Variants in CLIP4 observed in about 807,000 individuals in gnomAD.
The protein encoded by CLIP4 is CAP-Gly domain containing linker protein family member 4.
Under a neutral mutation model 73.1 loss-of-function variants are expected in CLIP4, and 47 were observed. That is an observed-to-expected ratio of 0.64 (90% CI 0.51 to 0.82). CLIP4 has a LOEUF of 0.82. CLIP4 is among the 40% of genes least tolerant of loss of function. CLIP4 has a pLI of 0.00. For synonymous variants in CLIP4, 306 were observed against 295.4 expected (o/e 1.04, Z -0.37); for missense variants, 874 against 852.9 (o/e 1.02, Z -0.31).
chr2:29,135,815 G>A (rs1665312247), intron 6 of CLIP4, 149 bp downstream of exon 6: 1 of 535,550 alleles, frequency 1.9e-6, no homozygotes, highest in African/African-American at 2.0e-5. Context: ...GAGTGATGAT[G>A]ATCTTTATTG....
In CLIP4 at chr2:29,132,186, A is replaced by G; in HGVS notation, c.308A>G (p.Asp103Gly). 6.2e-7 allele frequency: 1 copy of G among 1,613,870 alleles called. No homozygotes were observed. The highest frequency in any genetic ancestry group is 8.5e-7 in the Non-Finnish European group (1 of 1,179,852). Residue 103 changes from aspartate (D) to glycine (G), a missense_variant, in exon 4 of 16, where the codon GAT (aspartate) becomes GGT (glycine). By Grantham distance (94) the Asp-to-Gly change is moderately conservative (BLOSUM62 -1). Coordinates refer to ENST00000320081, the MANE Select transcript of CLIP4 (RefSeq NM_024692.6). ...AGAGGTTGCAATGTGAATGATAGAG[A>G]TGGATTGACAGATATGACTCTTTTA... ...LKRGCNVNDR[D>G]GLTDMTLLHY...
At chr2:29,118,185 A>G (rs1320746321) in intron 1 of CLIP4, 1 of 152,202 alleles carries the variant, frequency 6.6e-6, no homozygotes, top group Non-Finnish European at 1.5e-5. Flanking sequence ...TATTAGTTGA[A>G]TAACTCAAGG....
Position 29,147,928 on chromosome 2 carries a change from C to A in CLIP4, c.1021+2561C>A, listed in dbSNP as rs190184931. ...TTTCCTCCGATAGATTACTTTGCCA[C>A]CTGTCAAGCAGATTAAGGGCAGGAT... is the stretch of plus-strand genomic sequence containing the variant. On this transcript the variant is annotated intron_variant, in intron 8 of 15. Transcript: ENST00000320081. Among the ~76,000 whole-genome samples, 392 of 152,198 alleles carry A rather than the reference C, an allele frequency of 2.6e-3. 4 individuals carry two copies. The highest frequency in any genetic ancestry group is 9.2e-3 in the African/African-American group (381 of 41,538).
At position 29,182,360 on chromosome 2, in the gene CLIP4, A is replaced by T. The variant is rs186435932; in HGVS notation, c.*467A>T. On this transcript the variant is annotated 3_prime_UTR_variant, in exon 16 of 16. Coordinates refer to ENST00000320081, the MANE Select transcript of CLIP4 (RefSeq NM_024692.6). ...TTATTACTAATAAGTCCAATGAGTG[A>T]GTAGTAGCTAGATGACTAGTATGTA... 1 of 153,046 alleles carries T rather than the reference A, an allele frequency of 6.5e-6. No homozygotes were observed. The highest frequency in any genetic ancestry group is 1.5e-5 in the Non-Finnish European group (1 of 68,408). The allele number at this position is 153,046 out of a possible 1,614,324, so 9.5% of individuals were successfully genotyped here.
intron 15 of CLIP4, among the ~76,000 whole-genome samples, chr2:29,177,508 G>C (rs1224938449): frequency 4.6e-5 from 7 of 152,048 alleles, no homozygotes; most frequent in Non-Finnish European, 7.4e-5. Context: ...TTGAACCTGG[G>C]GGGCAGAGGT....
Position 29,115,886 on chromosome 2 carries a change from G to T in CLIP4, c.-16+221G>T, listed in dbSNP as rs1416391224. Among the ~76,000 whole-genome samples the T allele has an allele frequency of 6.6e-6, 1 of 152,032 alleles. No homozygotes were observed. Among genetic ancestry groups the T allele is most frequent in the African/African-American group, 2.4e-5 (1 of 41,448 alleles). On this transcript the variant is annotated intron_variant, in intron 1 of 15. Coordinates refer to ENST00000320081, the MANE Select transcript of CLIP4 (RefSeq NM_024692.6). The surrounding 1 kb of genome is among the most constrained non-coding windows in gnomAD (Gnocchi z 5.1). ...CGGGGCGGAGCGGCCCACCCGGCGG[G>T]GATGGGGACTCCTCGTGGCGGCCGC...
At chr2:29,098,984 G>T (rs887269849) in intron 1 of CLIP4, among the ~76,000 whole-genome samples, 3 of 152,152 alleles carry the variant, frequency 2.0e-5, no homozygotes, top group Non-Finnish European at 4.4e-5. Context: ...CTTTTCACAT[G>T]CTTATTTGCT....
rs1234748857 is a variant in CLIP4, at chr2:29,145,270, A to G, written c.924A>G (p.Ala308=). 20 of 1,613,600 alleles carry G rather than the reference A, an allele frequency of 1.2e-5. No individual in the cohort carries two copies. The highest frequency in any genetic ancestry group is 1.7e-5 in the Admixed American group (1 of 59,964). The change falls in exon 8 of 16, where the codon GCA becomes GCG. Residue 308 remains alanine (A), a synonymous_variant. Transcript: ENST00000320081. The part of the protein sequence containing the change: ...TLRFCGTTEF[A]SGQWAGIELD... ...GATTTTGTGGAACAACTGAATTTGC[A>G]AGTGGGCAGTGGGCTGGCATTGAAC...
At chr2:29,135,341 A>G (rs954181835) in intron 5 of CLIP4, among the ~76,000 whole-genome samples, 5 of 152,210 alleles carry the variant, frequency 3.3e-5, no homozygotes, top group African/African-American at 1.2e-4. Flanking sequence ...CCATCTTATA[A>G]TGAATTTTAT....
chr2:29,175,983 G>C (rs574386652), intron 15 of CLIP4, among the ~76,000 whole-genome samples: 61 of 152,248 alleles, frequency 4.0e-4, no homozygotes, highest in South Asian at 1.7e-3. Flanking sequence ...GGATGGTCTC[G>C]ATCTCCTGAC....
intron 14 of CLIP4, among the ~76,000 whole-genome samples, chr2:29,171,061 A>G (rs1055444762): frequency 4.6e-5 from 7 of 152,112 alleles, no homozygotes; most frequent in Admixed American, 6.5e-5. Context: ...TGCTTCTTCA[A>G]TGTTGTGTTG....
chr2:29,131,292 C>T lies in CLIP4; in HGVS notation c.168C>T (p.Cys56=), dbSNP rs752893012. Residue 56 remains cysteine, a synonymous_variant, in exon 3 of 16, where the codon TGC becomes TGT. Coordinates refer to ENST00000320081, the MANE Select transcript of CLIP4 (RefSeq NM_024692.6). Reference sequence around the variant, plus strand: ...TCTTTGATCCTAATGATGCATCATGCCAGGAAATTCTTTTTGATCCCAAAA... The same window carrying T: ...TCTTTGATCCTAATGATGCATCATGTCAGGAAATTCTTTTTGATCCCAAAA... The part of the protein sequence containing the change: ...FSFFDPNDAS[C]QEILFDPKTS... The T allele has an allele frequency of 1.9e-6, 3 of 1,608,844 alleles. No individual in the cohort carries two copies. In the South Asian group the frequency reaches 3.4e-5, roughly 18 times the overall value.
chr2:29,178,342 G>T (rs1295953602), intron 15 of CLIP4, among the ~76,000 whole-genome samples: 1 of 152,082 alleles, frequency 6.6e-6, no homozygotes, highest in African/African-American at 2.4e-5. Context: ...ACCATGCCTA[G>T]CTAATTTTTT....
Position 29,100,384 on chromosome 2 carries a change from A to G in CLIP4, c.-16+2437A>G, listed in dbSNP as rs185447160. On this transcript the variant is annotated intron_variant, in intron 1 of 14. Transcript: ENST00000401605. ...AAAATTAGACTTTATTTTTAAGTTTATAGAAAATCGAGCCGACAGTATGGA... is the reference window on the plus strand; with the variant it reads ...AAAATTAGACTTTATTTTTAAGTTTGTAGAAAATCGAGCCGACAGTATGGA... 3.9e-5 allele frequency among the ~76,000 whole-genome samples: 6 copies of G among 152,310 alleles called. No individual in the cohort carries two copies. In the East Asian group the frequency reaches 9.7e-4, roughly 25 times the overall value.
intron 8 of CLIP4, among the ~76,000 whole-genome samples, chr2:29,150,752 A>C (rs1416178859): frequency 7.2e-6 from 1 of 138,750 alleles, no homozygotes; most frequent in Non-Finnish European, 1.5e-5. Flanking sequence ...GCCTCCTGAT[A>C]GGGATTACAG....
intron 1 of CLIP4, among the ~76,000 whole-genome samples, chr2:29,108,834 C>T (rs375436564): frequency 6.6e-6 from 1 of 152,122 alleles, no homozygotes; most frequent in Non-Finnish European, 1.5e-5. Context: ...ATTTAATATC[C>T]AGTCTAGGCT....
At chr2:29,112,318 T>A (rs981942002), upstream of CLIP4, among the ~76,000 whole-genome samples, 1 of 152,232 alleles carries the variant, frequency 6.6e-6, no homozygotes, top group East Asian at 1.9e-4. Context: ...TGCCATAACA[T>A]TTACTTTGGA....
chr2:29,118,685 ATTT>A (rs1246867483), intron 1 of CLIP4, among the ~76,000 whole-genome samples: 2 of 151,690 alleles, frequency 1.3e-5, no homozygotes, highest in Non-Finnish European at 2.9e-5. Context: ...TGCCCAGCGA[ATTT>A]TTTGTATTTT....
Position 29,143,860 on chromosome 2 carries a change from C to A in CLIP4, c.800C>A (p.Pro267Gln), listed in dbSNP as rs1665960821. ...TGTAACATCTCAAAGGCCATGCTCC[C>A]AAATTATGATCATGTCACTGGCAAG... ...LSCNISKAML[P>Q]NYDHVTGKAM... Residue 267 changes from proline (P) to glutamine (Q), a missense_variant, in exon 7 of 16, where the codon CCA (proline) becomes CAA (glutamine). Coordinates refer to ENST00000320081, the MANE Select transcript of CLIP4 (RefSeq NM_024692.6). 1.2e-6 allele frequency: 2 copies of A among 1,614,042 alleles called. No individual in the cohort carries two copies. The highest frequency in any genetic ancestry group is 1.7e-5 in the Admixed American group (1 of 60,002).
Sources: gnomAD v4.1 joint callset for allele counts (sites outside exome capture counted in the v4.1 genomes callset) on GRCh38, gnomAD v4.1.1 for gene constraint, Gnocchi (gnomAD v3.1) non-coding constraint, MANE v1.5 for transcripts, NCBI Gene and HGNC (gene_info 2026-07-23, HGNC 2026-07-21) for gene names.